C1orf87: variants seen among roughly 807,000 people sequenced by gnomAD.
C1orf87 encodes the protein uncharacterized protein C1orf87.
A neutral mutation model predicts 60.5 loss-of-function variants in C1orf87; 58 were observed. The observed-to-expected ratio is 0.96, with a 90% CI of 0.78 to 1.19. The LOEUF (loss-of-function observed/expected upper bound fraction) is 1.19, where lower values mean the gene tolerates loss of function less well. Among genes scored for constraint, C1orf87 ranks in the 50% most tolerant of loss-of-function variants. The pLI, the probability that C1orf87 is intolerant of heterozygous loss-of-function variation, is 0.00. For synonymous variants in C1orf87, 236 were observed against 227.4 expected, an observed-to-expected ratio of 1.04 and a Z score of -0.34; for missense variants, 673 against 638.6, an observed-to-expected ratio of 1.05 and a Z score of -0.58.
rs1557452018 is a variant in C1orf87, at chr1:59,992,227, TTTA to T, written c.1481-1397_1481-1395del. Among the ~76,000 whole-genome samples, 468 of 89,876 alleles carry T rather than the reference TTTA, an allele frequency of 5.2e-3. 1 individual carries two copies. The highest frequency in any genetic ancestry group is 0.017 in the African/African-American group (452 of 27,188). The allele number at this position is 89,876 out of a possible 152,430, so 59.0% of individuals were successfully genotyped here. A position where few individuals can be genotyped will look rare whatever the true frequency, so the allele number is the denominator to read the frequency against. ...AGAGATTGCTTCAAGTAGGGGTCTA[TTTA>T]TTTATTTATTTATTTATTTATTTAT... is the stretch of plus-strand genomic sequence containing the variant. On this transcript the variant is annotated intron_variant, in intron 11 of 11. Coordinates refer to ENST00000371201, the MANE Select transcript of C1orf87 (RefSeq NM_152377.3).
chr1:60,055,453 T>C lies in C1orf87; in HGVS notation c.108-15A>G. 1.2e-6 allele frequency: 2 copies of C among 1,607,576 alleles called. No individual in the cohort carries two copies. Among genetic ancestry groups the C allele is most frequent in the Non-Finnish European group, 8.5e-7 (1 of 1,174,182 alleles). ...CATTCTCCTTGCTGTGAAGAAAGAA[T>C]TGTATACTTTGTTACTTACAGGCAG... is the stretch of plus-strand genomic sequence containing the variant. On this transcript the variant is annotated splice_polypyrimidine_tract_variant and intron_variant, in intron 2 of 11. Coordinates refer to ENST00000371201, the MANE Select transcript of C1orf87 (RefSeq NM_152377.3).
rs140505893 is a variant in C1orf87, at chr1:60,053,604, G to A, written c.342+1600C>T. Among the ~76,000 whole-genome samples the A allele has an allele frequency of 2.9e-3, 439 of 151,964 alleles. 2 individuals carry two copies. Among genetic ancestry groups the A allele is most frequent in the African/African-American group, 0.01 (424 of 41,434 alleles). ...TTTGATATGATATGAAGTGAATCAA[G>A]CAGGATAATAAAGAGTATATATAAT... is the stretch of plus-strand genomic sequence containing the variant. On this transcript the variant is annotated intron_variant, in intron 3 of 11. Coordinates refer to ENST00000371201, the MANE Select transcript of C1orf87 (RefSeq NM_152377.3).
intron 2 of C1orf87, among the ~76,000 whole-genome samples, chr1:60,055,707 G>A (rs934992269): frequency 3.9e-5 from 6 of 151,994 alleles, no homozygotes; most frequent in African/African-American, 1.5e-4. Context: ...CTTACTGTAA[G>A]CAATGGCCAG....
At chr1:59,995,287 T>G (rs1452788456) in intron 11 of C1orf87, among the ~76,000 whole-genome samples, 3 of 152,228 alleles carry the variant, frequency 2.0e-5, no homozygotes, top group Non-Finnish European at 4.4e-5. Flanking sequence ...ACCACTCTCA[T>G]AGCCCTGTTG....
At chr1:59,995,493 C>T (rs11207562) in intron 11 of C1orf87, among the ~76,000 whole-genome samples, 38,485 of 152,104 alleles carry the variant, frequency 0.25, 5,215 homozygotes, top group East Asian at 0.47. Flanking sequence ...CCAACATCCA[C>T]CTCCAGCAGT....
intron 8 of C1orf87, 49 bp from the exon 9 acceptor site, chr1:60,010,505 A>G (rs774353636): frequency 2.0e-6 from 3 of 1,490,540 alleles, no homozygotes; most frequent in Non-Finnish European, 2.8e-6. Context: ...GATTGCCCTG[A>G]AAGAATGTCC....
intron 2 of C1orf87, among the ~76,000 whole-genome samples, chr1:60,061,215 C>T (rs1645494355): frequency 6.6e-6 from 1 of 152,166 alleles, no homozygotes. Context: ...TAAAAATACT[C>T]TATCAATATA....
At chr1:60,019,078 C>A (rs192346012) in intron 8 of C1orf87, among the ~76,000 whole-genome samples, 259 of 152,224 alleles carry the variant, frequency 1.7e-3, no homozygotes, top group Non-Finnish European at 2.2e-3. Context: ...TATCATGTGC[C>A]AATGATATGG....
At chr1:60,035,920 A>AG (rs1229349172) in intron 6 of C1orf87, among the ~76,000 whole-genome samples, 1 of 152,244 alleles carries the variant, frequency 6.6e-6, no homozygotes, top group Non-Finnish European at 1.5e-5. Context: ...AACAACACAG[A>AG]GATCTAACCT....
At chr1:60,018,158 G>C (rs1645136716) in intron 8 of C1orf87, among the ~76,000 whole-genome samples, 1 of 152,194 alleles carries the variant, frequency 6.6e-6, no homozygotes, top group Non-Finnish European at 1.5e-5. Context: ...CGTGCATTCA[G>C]CTTCTAAAAT....
At chr1:60,037,329 G>C (rs547095454) in intron 6 of C1orf87, among the ~76,000 whole-genome samples, 1 of 152,324 alleles carries the variant, frequency 6.6e-6, no homozygotes, top group South Asian at 2.1e-4. Flanking sequence ...AGTGCAATTA[G>C]TGCCTGTCTA....
intron 3 of C1orf87, among the ~76,000 whole-genome samples, chr1:60,047,148 C>T (rs190863885): frequency 2.0e-5 from 3 of 152,216 alleles, no homozygotes; most frequent in Non-Finnish European, 2.9e-5. Flanking sequence ...TAAAGGGAAA[C>T]GTCCCTTCAT....
intron 3 of C1orf87, among the ~76,000 whole-genome samples, chr1:60,051,932 G>T (rs1243553663): frequency 1.3e-5 from 2 of 152,206 alleles, no homozygotes; most frequent in Admixed American, 1.3e-4. Flanking sequence ...AGACCATTCT[G>T]TGAGACACAG....
chr1:60,001,580 G>C (rs951377616), intron 9 of C1orf87, among the ~76,000 whole-genome samples: 2 of 152,038 alleles, frequency 1.3e-5, no homozygotes, highest in African/African-American at 4.8e-5. Flanking sequence ...TCCAGGCAAA[G>C]ATGATGATGG....
At chr1:60,050,137 T>C (rs1236141978) in intron 3 of C1orf87, among the ~76,000 whole-genome samples, 1 of 152,094 alleles carries the variant, frequency 6.6e-6, no homozygotes, top group Non-Finnish European at 1.5e-5. Flanking sequence ...TTTGGCTAGT[T>C]GTAAAACAAA....
rs117631684 is a variant in C1orf87, at chr1:60,038,084, C to T, written c.771G>A (p.Trp257Ter). The T allele has an allele frequency of 2.2e-5, 34 of 1,569,862 alleles. No individual in the cohort carries two copies. In the East Asian group the frequency reaches 6.6e-4, roughly 30 times the overall value. Residue 257 changes from tryptophan to a stop codon, truncating the protein, a stop_gained, in exon 6 of 12, where the codon TGG becomes TGA. Transcript: ENST00000371201. LOFTEE classifies it high-confidence loss of function. The part of the protein sequence containing the change: ...PEMVNYEKLL[W>*]FLNSAASDYP... ...AATCTGATGCTGCACTGTTTAAAAA[C>T]CAGAGTAGCTTTTCATAATTCACCT...
At chr1:60,009,901 G>T (rs1316231288) in intron 9 of C1orf87, among the ~76,000 whole-genome samples, 1 of 151,740 alleles carries the variant, frequency 6.6e-6, no homozygotes, top group Non-Finnish European at 1.5e-5. Context: ...TTTATCAATT[G>T]GTTATATTGT....
At chr1:60,057,252 TG>T (rs965708289) in intron 2 of C1orf87, among the ~76,000 whole-genome samples, 1 of 152,160 alleles carries the variant, frequency 6.6e-6, no homozygotes, top group Non-Finnish European at 1.5e-5. Flanking sequence ...GGGTTAGCCA[TG>T]AAGATGTAGT....
chr1:60,065,369 G>A (rs1465939214), intron 2 of C1orf87, among the ~76,000 whole-genome samples: 5 of 151,918 alleles, frequency 3.3e-5, no homozygotes, highest in African/African-American at 1.2e-4. Flanking sequence ...GCTAGTCTTA[G>A]CTCACTGGTA....
Sources: gnomAD v4.1 joint callset for allele counts (sites outside exome capture counted in the v4.1 genomes callset) on GRCh38, gnomAD v4.1.1 for gene constraint, MANE v1.5 for transcripts, NCBI Gene and HGNC (gene_info 2026-07-23, HGNC 2026-07-21) for gene names.